Variants in DGAT1 observed in about 807,000 individuals in gnomAD.
DGAT1 encodes diacylglycerol O-acyltransferase 1.
Under a neutral mutation model 72.6 loss-of-function variants are expected in DGAT1, and 60 were observed. The observed-to-expected ratio is 0.83, with a 90% CI of 0.67 to 1.02. The LOEUF (loss-of-function observed/expected upper bound fraction) is 1.02. DGAT1 is among the 50% of genes least tolerant of loss of function. The pLI is 0.00. For missense variants in DGAT1, 592 were observed against 670.0 expected, an observed-to-expected ratio of 0.88 and a Z score of 1.29; for synonymous variants, 290 against 267.5, an observed-to-expected ratio of 1.08 and a Z score of -0.82.
chr8:144,316,768 G>T, intron 16 of DGAT1, 59 bp from the exon 17 acceptor site: 3 of 1,599,086 alleles, frequency 1.9e-6, no homozygotes, highest in South Asian at 1.1e-5. Flanking sequence ...GGGGCTTCAG[G>T]GTCCCTGGGC....
At position 144,316,218 on chromosome 8, in the gene DGAT1, A is replaced by G. The variant is rs144625734; in HGVS notation, c.*336T>C. The G allele has an allele frequency of 5.5e-3, 1,535 of 277,422 alleles. 35 individuals carry two copies. Among genetic ancestry groups the G allele is most frequent in the African/African-American group, 0.031 (1,427 of 45,800 alleles). 17.2% of individuals were successfully genotyped at this position (277,422 alleles called of 1,614,324 possible). ...CAGGTCCTGGGACAGCTGTCCACAC[A>G]GCTCTGGCACTCGCCCTTGTGGGTG... On this transcript the variant is annotated 3_prime_UTR_variant, in exon 17 of 17. Coordinates refer to ENST00000528718, the MANE Select transcript of DGAT1 (RefSeq NM_012079.6).
rs1461884650 is a variant in DGAT1, at chr8:144,326,840, G to C, written c.-204C>G. ...TCAAGGACAACGGCTGCGTTGCTCCGGAGCCGCTAACTAATGGACGGCCGC... is the reference window on the plus strand; with the variant it reads ...TCAAGGACAACGGCTGCGTTGCTCCCGAGCCGCTAACTAATGGACGGCCGC... On this transcript the variant is annotated 5_prime_UTR_variant, in exon 1 of 17. Coordinates refer to ENST00000528718, the MANE Select transcript of DGAT1 (RefSeq NM_012079.6). 2 of 273,320 alleles carry C rather than the reference G, an allele frequency of 7.3e-6. No homozygotes were observed. Among genetic ancestry groups the C allele is most frequent in the African/African-American group, 4.5e-5 (2 of 44,106 alleles). 16.9% of individuals were successfully genotyped at this position (273,320 alleles called of 1,614,324 possible).
Position 144,319,013 on chromosome 8 carries a change from G to C in DGAT1, c.329+15C>G, listed in dbSNP as rs1554847795. 6.4e-7 allele frequency: 1 copy of C among 1,558,792 alleles called. No individual in the cohort carries two copies. Among genetic ancestry groups the C allele is most frequent in the Non-Finnish European group, 8.7e-7 (1 of 1,151,404 alleles). On this transcript the variant is annotated intron_variant, in intron 3 of 16. Coordinates refer to ENST00000528718, the MANE Select transcript of DGAT1 (RefSeq NM_012079.6). ...CATGGGTGGGGCAGGGGTGGGACCT[G>C]GCAAAGGCACTCACTTGATGAGGTT...
intron 1 of DGAT1, among the ~76,000 whole-genome samples, chr8:144,325,195 G>A (rs1021358065): frequency 3.3e-5 from 5 of 152,048 alleles, no homozygotes; most frequent in Non-Finnish European, 5.9e-5. Context: ...GAGGTGCCTA[G>A]GCCAGCCTCC....
rs1210721884 is a variant in DGAT1, at chr8:144,321,379, C to G, written c.230G>C (p.Ser77Thr). 1 of 1,613,968 alleles carries G rather than the reference C, an allele frequency of 6.2e-7. No individual in the cohort carries two copies. The highest frequency in any genetic ancestry group is 1.3e-5 in the African/African-American group (1 of 75,044). ...RCHRLQDSLFSSDSGFSNYRG... is the reference protein window; with the variant it reads ...RCHRLQDSLFTSDSGFSNYRG... The stretch of plus-strand genomic sequence containing the variant: ...GTAGTTGCTGAAGCCACTGTCAGAG[C>G]TGAATAAAGAATCCTGCAGGCGATG... Residue 77 changes from serine to threonine, a missense_variant, in exon 2 of 17, where the codon AGC (serine) becomes ACC (threonine). By Grantham distance (58) the Ser-to-Thr change is moderately conservative. Transcript: ENST00000528718.
intron 2 of DGAT1, among the ~76,000 whole-genome samples, chr8:144,320,217 G>A (rs1009017638): frequency 6.6e-6 from 1 of 152,228 alleles, no homozygotes; most frequent in Admixed American, 6.5e-5. Context: ...CCAAAGCAGG[G>A]AAAAGGCTTC....
In DGAT1 at chr8:144,315,665, GGCTGC is replaced by G. The variant is rs1817179780; in HGVS notation, c.*884_*888del. 1.7e-5 allele frequency: 16 copies of G among 969,660 alleles called. No individual in the cohort carries two copies. Among genetic ancestry groups the G allele is most frequent in the Non-Finnish European group, 2.0e-5 (16 of 815,600 alleles). 60.1% of individuals were successfully genotyped at this position (969,660 alleles called of 1,614,324 possible). A position where few individuals can be genotyped will look rare whatever the true frequency, so the allele number is the denominator to read the frequency against. On this transcript the variant is annotated 3_prime_UTR_variant, in exon 17 of 17. Coordinates refer to ENST00000528718, the MANE Select transcript of DGAT1 (RefSeq NM_012079.6). Reference sequence around the variant, plus strand: ...GAACAAGGTGTCCTGAAGGCTGCAGGGCTGCGCTGTCTGCACTGCCCAGCCTGGTG... The same window carrying G: ...GAACAAGGTGTCCTGAAGGCTGCAGGGCTGTCTGCACTGCCCAGCCTGGTG...
In DGAT1 at chr8:144,314,807, G is replaced by T; in HGVS notation, c.*1747C>A. On this transcript the variant is annotated 3_prime_UTR_variant, in exon 17 of 17. Coordinates refer to ENST00000528718, the MANE Select transcript of DGAT1 (RefSeq NM_012079.6). ...GGGGCCCAGGGCACAGAAGGGCCGG[G>T]CTGCAGTGGCCTCCTGGGGGAAGAC... 1 of 698,700 alleles carries T rather than the reference G, an allele frequency of 1.4e-6. No individual in the cohort carries two copies. Among genetic ancestry groups the T allele is most frequent in the Non-Finnish European group, 1.8e-6 (1 of 564,884 alleles). The allele number at this position is 698,700 out of a possible 1,614,324, so 43.3% of individuals were successfully genotyped here. A position where few individuals can be genotyped will look rare whatever the true frequency, so the allele number is the denominator to read the frequency against.
intron 16 of DGAT1, 29 bp downstream of exon 16, chr8:144,316,824 A>C: frequency 2.5e-6 from 4 of 1,603,684 alleles, no homozygotes; most frequent in Non-Finnish European, 3.4e-6. Flanking sequence ...TAACTGGGCG[A>C]GTGAGGAGGC....
chr8:144,315,448 C>T lies in DGAT1; in HGVS notation c.*1106G>A, dbSNP rs1645901358. On this transcript the variant is annotated 3_prime_UTR_variant, in exon 17 of 17. Transcript: ENST00000528718. ...AGTCCTGGGACCCTGTGCAGGGCCTCCTCAAACACCTGCCTTGTTGGGCCA... is the reference window on the plus strand; with the variant it reads ...AGTCCTGGGACCCTGTGCAGGGCCTTCTCAAACACCTGCCTTGTTGGGCCA... The T allele has an allele frequency of 1.0e-6, 1 of 985,532 alleles. No individual in the cohort carries two copies. Among genetic ancestry groups the T allele is most frequent in the Non-Finnish European group, 1.2e-6 (1 of 829,984 alleles). The allele number at this position is 985,532 out of a possible 1,614,324, so 61.0% of individuals were successfully genotyped here. A position where few individuals can be genotyped will look rare whatever the true frequency, so the allele number is the denominator to read the frequency against.
chr8:144,322,697 G>C (rs1248080711), intron 1 of DGAT1, among the ~76,000 whole-genome samples: 1 of 152,210 alleles, frequency 6.6e-6, no homozygotes, highest in African/African-American at 2.4e-5. Context: ...CCCAGGCAGG[G>C]AGGATGCTCA....
Position 144,315,969 on chromosome 8 carries a change from C to A in DGAT1, c.*585G>T. The A allele has an allele frequency of 1.0e-6, 1 of 986,260 alleles. No homozygotes were observed. Among genetic ancestry groups the A allele is most frequent in the Non-Finnish European group, 1.2e-6 (1 of 830,452 alleles). 61.1% of individuals were successfully genotyped at this position (986,260 alleles called of 1,614,324 possible). A position where few individuals can be genotyped will look rare whatever the true frequency, so the allele number is the denominator to read the frequency against. On this transcript the variant is annotated 3_prime_UTR_variant, in exon 17 of 17. Coordinates refer to ENST00000528718, the MANE Select transcript of DGAT1 (RefSeq NM_012079.6). ...CCACTTCCCGCAAACCCAGGGCCGA[C>A]CTCTTCCCAAGCTGAAGCTGAGCAC...
At position 144,326,436 on chromosome 8, in the gene DGAT1, C is replaced by A; in HGVS notation, c.200+1G>T. On this transcript the variant is annotated splice_donor_variant, in intron 1 of 16. Transcript: ENST00000528718. LOFTEE classifies it high-confidence loss of function. Reference sequence around the variant, plus strand: ...GGTTAGGGGGTCAGGCGCTCCGCTACCTCAGCTCCCAGTGGCCGCTGCCCA... The same window carrying A: ...GGTTAGGGGGTCAGGCGCTCCGCTAACTCAGCTCCCAGTGGCCGCTGCCCA... 1 of 1,380,726 alleles carries A rather than the reference C, an allele frequency of 7.2e-7. No homozygotes were observed. The allele number at this position is 1,380,726 out of a possible 1,614,324, so 85.5% of individuals were successfully genotyped here.
At position 144,317,841 on chromosome 8, in the gene DGAT1, G is replaced by A. The variant is rs781852964; in HGVS notation, c.856-19C>T. The stretch of plus-strand genomic sequence containing the variant: ...AGAACAGCTGGGGGGGAAACAGAGA[G>A]CAGCCAGCTGAGGCCCTGGCTAGCC... On this transcript the variant is annotated intron_variant, in intron 9 of 16. Transcript: ENST00000528718. 4.4e-6 allele frequency: 7 copies of A among 1,607,076 alleles called. No individual in the cohort carries two copies. The highest frequency in any genetic ancestry group is 4.0e-5 in the African/African-American group (3 of 74,882).
intron 2 of DGAT1, among the ~76,000 whole-genome samples, chr8:144,319,531 G>A (rs1817383747): frequency 6.6e-6 from 1 of 152,232 alleles, no homozygotes. Context: ...AGTCCCTACT[G>A]GTGGCCAAGG....
chr8:144,319,421 T>G (rs1186586251), intron 2 of DGAT1, among the ~76,000 whole-genome samples: 1 of 152,162 alleles, frequency 6.6e-6, no homozygotes, highest in Non-Finnish European at 1.5e-5. Context: ...GCCGAGCCAG[T>G]GAGGGACCCA....
intron 13 of DGAT1, 21 bp downstream of exon 13, chr8:144,317,312 G>A (rs1328469077): frequency 1.2e-6 from 2 of 1,612,530 alleles, no homozygotes; most frequent in African/African-American, 2.7e-5. Context: ...CAGCCCCCAG[G>A]GACACCCCAG....
chr8:144,317,321 A>G lies in DGAT1; in HGVS notation c.1094+12T>C. The G allele has an allele frequency of 6.2e-7, 1 of 1,612,960 alleles. No homozygotes were observed. Among genetic ancestry groups the G allele is most frequent in the East Asian group, 2.2e-5 (1 of 44,856 alleles). On this transcript the variant is annotated intron_variant, in intron 13 of 16. Transcript: ENST00000528718. ...CCATCCCAGCCCCCAGGGACACCCC[A>G]GGGACACTCACCACCAGTCCCGGTA...
chr8:144,315,895 C>T lies in DGAT1; in HGVS notation c.*659G>A. ...AGCCCCTCGGCTCACCAGACCCACA[C>T]CAGAAAGGCCCTGTGGACTGCCCAT... On this transcript the variant is annotated 3_prime_UTR_variant, in exon 17 of 17. Transcript: ENST00000528718. 15 of 985,792 alleles carry T rather than the reference C, an allele frequency of 1.5e-5. No individual in the cohort carries two copies. Among genetic ancestry groups the T allele is most frequent in the Non-Finnish European group, 1.8e-5 (15 of 830,212 alleles). 61.1% of individuals were successfully genotyped at this position (985,792 alleles called of 1,614,324 possible).
Sources: allele counts gnomAD v4.1 joint callset (sites outside exome capture counted in the v4.1 genomes callset), GRCh38; gene constraint gnomAD v4.1.1; transcripts MANE v1.5; gene names NCBI Gene and HGNC (gene_info 2026-07-23, HGNC 2026-07-21).